The following YY1 variants were observed in gnomAD, a reference collection of about 807,000 sequenced individuals.
YY1 encodes the protein YY1 transcription factor.
Under a neutral mutation model 35.6 loss-of-function variants are expected in YY1, and 2 were observed. The observed-to-expected ratio is 0.06, with a 90% CI of 0.02 to 0.18. YY1 has a LOEUF of 0.18. Among genes scored for constraint, YY1 ranks in the 10% least tolerant of loss-of-function variants. The pLI is 1.00. For missense variants in YY1, 322 were observed against 573.4 expected (o/e 0.56, Z 4.48); for synonymous variants, 268 against 238.9 (o/e 1.12, Z -1.12).
At chr14:100,275,496 TAAC>T (rs1891305208) in intron 3 of YY1, among the ~76,000 whole-genome samples, 1 of 152,304 alleles carries the variant, frequency 6.6e-6, no homozygotes, top group South Asian at 2.1e-4. Flanking sequence ...AGGGCCGAAA[TAAC>T]AAGCATTTGA....
chr14:100,276,851 G>A lies in YY1; in HGVS notation c.1062+203G>A. ...ATCCTTGTCTATACTCTGTGGTACT[G>A]GGTACGCAATGTATTGGTGTTGATG... On this transcript the variant is annotated intron_variant, in intron 4 of 4. Transcript: ENST00000262238. The surrounding 1 kb of genome is among the most constrained non-coding windows in gnomAD (Gnocchi z 4.1). 1.5e-6 allele frequency: 1 copy of A among 658,208 alleles called. No individual in the cohort carries two copies. The highest frequency in any genetic ancestry group is 2.6e-6 in the Non-Finnish European group (1 of 384,750). 40.8% of individuals were successfully genotyped at this position (658,208 alleles called of 1,614,324 possible).
intron 1 of YY1, among the ~76,000 whole-genome samples, chr14:100,243,052 C>CATA (rs960948259): frequency 6.6e-6 from 1 of 152,088 alleles, no homozygotes; most frequent in African/African-American, 2.4e-5. Context: ...GTAAACTATC[C>CATA]CCCTTACTTT....
chr14:100,245,639 C>G (rs965110960), intron 1 of YY1, among the ~76,000 whole-genome samples: 1 of 151,864 alleles, frequency 6.6e-6, no homozygotes, highest in Non-Finnish European at 1.5e-5. Context: ...CGGAGTCTCG[C>G]TTTGTTGCCC....
At chr14:100,251,484 T>C (rs10129206) in intron 1 of YY1, among the ~76,000 whole-genome samples, 39,445 of 152,176 alleles carry the variant, frequency 0.26, 5,199 homozygotes, top group Middle Eastern at 0.37. Flanking sequence ...AACCACCAAA[T>C]TGGTGGTAGT....
chr14:100,275,380 T>G (rs1884384366), intron 3 of YY1, among the ~76,000 whole-genome samples: 1 of 152,110 alleles, frequency 6.6e-6, no homozygotes, highest in Non-Finnish European at 1.5e-5. Flanking sequence ...CAGGCTACAT[T>G]TAGTTTCACG....
chr14:100,258,632 C>T (rs1325436203), intron 1 of YY1, among the ~76,000 whole-genome samples: 1 of 152,174 alleles, frequency 6.6e-6, no homozygotes, highest in Non-Finnish European at 1.5e-5. Context: ...GGATTACAGG[C>T]GTGAGCCACC....
At chr14:100,255,052 C>T (rs1366828537) in intron 1 of YY1, among the ~76,000 whole-genome samples, 4 of 145,294 alleles carry the variant, frequency 2.8e-5, no homozygotes, top group Non-Finnish European at 4.5e-5. Context: ...CCACCTTGGC[C>T]TCCCAAAGTG....
At position 100,241,272 on chromosome 14, in the gene YY1, G is replaced by A. The variant is rs377030964; in HGVS notation, c.679+1349G>A. ...ACCTCTTCCCTATAAGTACTTTAAA[G>A]CTTCATAAATTCTCAGAACTGAATG... On this transcript the variant is annotated intron_variant, in intron 1 of 4. Transcript: ENST00000262238. Among the ~76,000 whole-genome samples, 38 of 152,292 alleles carry A rather than the reference G, an allele frequency of 2.5e-4. No individual in the cohort carries two copies. In the East Asian group the frequency reaches 4.6e-3, roughly 19 times the overall value.
chr14:100,263,433 T>G (rs1485923864), intron 2 of YY1, among the ~76,000 whole-genome samples: 4 of 152,160 alleles, frequency 2.6e-5, no homozygotes, highest in Non-Finnish European at 2.9e-5. Context: ...TCTGAACCCA[T>G]TGGTTGGGTG....
intron 2 of YY1, among the ~76,000 whole-genome samples, chr14:100,269,353 T>C (rs943198998): frequency 1.3e-5 from 2 of 152,166 alleles, no homozygotes; most frequent in African/African-American, 2.4e-5. Context: ...TACAGTTTGC[T>C]CAAGGTCATG....
At chr14:100,267,291 T>C (rs1308503652) in intron 2 of YY1, among the ~76,000 whole-genome samples, 2 of 152,214 alleles carry the variant, frequency 1.3e-5, no homozygotes, top group Non-Finnish European at 2.9e-5. Context: ...GTTGTATACT[T>C]GTAGAGCATT....
intron 2 of YY1, among the ~76,000 whole-genome samples, chr14:100,269,293 G>T (rs1891199567): frequency 6.6e-6 from 1 of 152,170 alleles, no homozygotes; most frequent in African/African-American, 2.4e-5. Context: ...CAGCTCTTAA[G>T]TAGGTAGCAT....
In YY1 at chr14:100,276,795, G is replaced by T. The variant is rs1891325736; in HGVS notation, c.1062+147G>T. 2 of 1,248,784 alleles carry T rather than the reference G, an allele frequency of 1.6e-6. No homozygotes were observed. Among genetic ancestry groups the T allele is most frequent in the South Asian group, 2.6e-5 (2 of 77,970 alleles). The allele number at this position is 1,248,784 out of a possible 1,614,324, so 77.4% of individuals were successfully genotyped here. ...TGAGAAACAAAACTTCTCCTGGGGA[G>T]TCGCTTAGAAGGGTTGCCGGGGCTC... On this transcript the variant is annotated intron_variant, in intron 4 of 4. Coordinates refer to ENST00000262238, the MANE Select transcript of YY1 (RefSeq NM_003403.5). This position sits in a 1 kb window ranked among gnomAD's most constrained non-coding sequence, Gnocchi z 4.1.
intron 1 of YY1, among the ~76,000 whole-genome samples, chr14:100,244,023 GCGTGAACACGGGAGGCGGAGCTTGC>G (rs1890790807): frequency 6.6e-6 from 1 of 151,756 alleles, no homozygotes; most frequent in Non-Finnish European, 1.5e-5. Flanking sequence ...CAGGAGAATG[GCGTGAACACGGGAGGCGGAGCTTGC>G]CGTGAGCCGA....
chr14:100,242,420 G>T (rs1344453137), intron 1 of YY1, among the ~76,000 whole-genome samples: 2 of 124,728 alleles, frequency 1.6e-5, no homozygotes, highest in Admixed American at 2.2e-4. Flanking sequence ...ATGGAGTCTC[G>T]CTCTGTCGCC....
At position 100,239,845 on chromosome 14, in the gene YY1, G is replaced by A; in HGVS notation, c.601G>A (p.Gly201Ser). The A allele has an allele frequency of 6.6e-7, 1 of 1,507,010 alleles. No homozygotes were observed. The highest frequency in any genetic ancestry group is 8.8e-7 in the Non-Finnish European group (1 of 1,133,752). The allele number at this position is 1,507,010 out of a possible 1,614,324, so 93.4% of individuals were successfully genotyped here. The change falls in exon 1 of 5, where the codon GGC (glycine) becomes AGC (serine). Residue 201 changes from glycine (G) to serine (S), a missense_variant. By Grantham distance (56) the Gly-to-Ser change is moderately conservative. Coordinates refer to ENST00000262238, the MANE Select transcript of YY1 (RefSeq NM_003403.5). Reference sequence around the variant, plus strand: ...GGCGGGCGGCGGCGGCGCCGACCCGGGCAACAAGAAGTGGGAGCAGAAGCA... The same window carrying A: ...GGCGGGCGGCGGCGGCGCCGACCCGAGCAACAAGAAGTGGGAGCAGAAGCA... ...GAAGGGGADP[G>S]NKKWEQKQVQ... is the part of the protein sequence containing the mutation.
chr14:100,254,057 A>C (rs1349183038), intron 1 of YY1, among the ~76,000 whole-genome samples: 2 of 151,208 alleles, frequency 1.3e-5, no homozygotes, highest in Non-Finnish European at 2.9e-5. Flanking sequence ...GCTGGTCTCG[A>C]ACTCCTGACC....
rs2139610947 is a variant in YY1 at position 100,280,276 on chromosome 14, TGAG to T, written c.*2679_*2681del. 6.6e-6 allele frequency: 1 copy of T among 152,334 alleles called. No individual in the cohort carries two copies. Among genetic ancestry groups the T allele is most frequent in the African/African-American group, 2.4e-5 (1 of 41,568 alleles). 9.4% of individuals were successfully genotyped at this position (152,334 alleles called of 1,614,324 possible). A position where few individuals can be genotyped will look rare whatever the true frequency, so the allele number is the denominator to read the frequency against. ...TATTCTAACAGTGAGTCCATTGTCT[TGAG>T]GATTAATCTGATTTATAAGTAATAC... is the stretch of plus-strand genomic sequence containing the variant. On this transcript the variant is annotated 3_prime_UTR_variant, in exon 5 of 5. Coordinates refer to ENST00000262238, the MANE Select transcript of YY1 (RefSeq NM_003403.5).
At position 100,277,609 on chromosome 14, in the gene YY1, G is replaced by C; in HGVS notation, c.*9G>C. 1 of 1,614,044 alleles carries C rather than the reference G, an allele frequency of 6.2e-7. No homozygotes were observed. The highest frequency in any genetic ancestry group is 8.5e-7 in the Non-Finnish European group (1 of 1,179,934). On this transcript the variant is annotated 3_prime_UTR_variant, in exon 5 of 5. Coordinates refer to ENST00000262238, the MANE Select transcript of YY1 (RefSeq NM_003403.5). This position sits in a 1 kb window ranked among gnomAD's most constrained non-coding sequence, Gnocchi z 5.6. The stretch of plus-strand genomic sequence containing the variant: ...CCAAAAACAACCAGTGAAAAGAAGA[G>C]AGAAGACCCTTCTCGACCACGGGAA...
Sources: allele counts gnomAD v4.1 joint callset (sites outside exome capture counted in the v4.1 genomes callset), GRCh38; gene constraint gnomAD v4.1.1; non-coding constraint Gnocchi (gnomAD v3.1); transcripts MANE v1.5; gene names NCBI Gene and HGNC (gene_info 2026-07-23, HGNC 2026-07-21).